The following METTL25 variants were observed in gnomAD, a reference collection of about 807,000 sequenced individuals.
METTL25 encodes the protein probable methyltransferase-like protein 25.
A neutral mutation model predicts 71.6 loss-of-function variants in METTL25; 64 were observed. That is an observed-to-expected ratio of 0.89 (90% CI 0.73 to 1.10). The LOEUF is 1.10. METTL25 is among the 50% of genes least tolerant of loss of function. The pLI is 0.00. For synonymous variants in METTL25, 287 were observed against 250.3 expected, an observed-to-expected ratio of 1.15 and a Z score of -1.38; for missense variants, 807 against 707.0, an observed-to-expected ratio of 1.14 and a Z score of -1.60.
At chr12:82,427,257 C>T (rs576540201) in intron 5 of METTL25, among the ~76,000 whole-genome samples, 74 of 152,076 alleles carry the variant, frequency 4.9e-4, no homozygotes, top group Non-Finnish European at 5.9e-5. Context: ...CTTCTCATTG[C>T]TAATCGTAGA....
chr12:82,369,932 A>G (rs1565800878), intron 1 of METTL25, among the ~76,000 whole-genome samples: 1 of 152,086 alleles, frequency 6.6e-6, no homozygotes, highest in Admixed American at 6.5e-5. Flanking sequence ...TGGTGCGTTT[A>G]CAATCCTTTA....
intron 2 of METTL25, among the ~76,000 whole-genome samples, chr12:82,389,178 T>C (rs1427425201): frequency 6.6e-6 from 1 of 152,116 alleles, no homozygotes; most frequent in Non-Finnish European, 1.5e-5. Context: ...TATAGTACTG[T>C]AGTTCTGCAA....
At chr12:82,399,645 T>TA (rs1886407990) in intron 4 of METTL25, among the ~76,000 whole-genome samples, 1 of 152,126 alleles carries the variant, frequency 6.6e-6, no homozygotes, top group Admixed American at 6.6e-5. Context: ...AGCTAGTAAG[T>TA]AAACTAAGTT....
intron 1 of METTL25, among the ~76,000 whole-genome samples, chr12:82,368,849 A>G (rs1473545457): frequency 1.2e-4 from 18 of 152,222 alleles, no homozygotes; most frequent in Admixed American, 1.2e-3. Flanking sequence ...ATAATAAATG[A>G]TTCAACTTCC....
intron 5 of METTL25, among the ~76,000 whole-genome samples, chr12:82,426,535 TTACACAC>T (rs1401726220): frequency 6.6e-6 from 1 of 152,022 alleles, no homozygotes; most frequent in Non-Finnish European, 1.5e-5. Flanking sequence ...GGGAGCTCTC[TTACACAC>T]AGGTTGAGTA....
At chr12:82,407,161 T>C (rs1463103246) in intron 5 of METTL25, among the ~76,000 whole-genome samples, 1 of 152,186 alleles carries the variant, frequency 6.6e-6, no homozygotes, top group Non-Finnish European at 1.5e-5. Flanking sequence ...CTTTCTTTAG[T>C]ACTTGGTCAT....
chr12:82,383,382 G>A (rs1008717556), intron 1 of METTL25, among the ~76,000 whole-genome samples: 2 of 152,004 alleles, frequency 1.3e-5, no homozygotes, highest in African/African-American at 4.8e-5. Flanking sequence ...ACTGTGGCAT[G>A]CTAATGGAAT....
At chr12:82,424,317 A>G (rs1273302660) in intron 5 of METTL25, among the ~76,000 whole-genome samples, 2 of 151,422 alleles carry the variant, frequency 1.3e-5, no homozygotes. Flanking sequence ...GTTCTCACTC[A>G]TAGGTGGGAA....
chr12:82,417,968 C>T (rs1458880093), intron 5 of METTL25, among the ~76,000 whole-genome samples: 1 of 152,048 alleles, frequency 6.6e-6, no homozygotes, highest in Non-Finnish European at 1.5e-5. Context: ...CCTGTTGGCC[C>T]TTTCAAGAAA....
At chr12:82,454,399 C>T (rs1891344470) in intron 8 of METTL25, among the ~76,000 whole-genome samples, 1 of 151,894 alleles carries the variant, frequency 6.6e-6, no homozygotes, top group Non-Finnish European at 1.5e-5. Context: ...TAAGAGAATG[C>T]CAGTGTTGTT....
At chr12:82,431,519 A>G (rs944834790) in intron 6 of METTL25, among the ~76,000 whole-genome samples, 1 of 151,658 alleles carries the variant, frequency 6.6e-6, no homozygotes, top group African/African-American at 2.4e-5. Context: ...TAGAATTAAT[A>G]AATTTAGAGA....
chr12:82,431,097 AATGCTTTTGTGC>A, intron 6 of METTL25, 110 bp downstream of exon 6: 2 of 568,082 alleles, frequency 3.5e-6, no homozygotes. Context: ...ACATCCCATT[AATGCTTTTGTGC>A]ATTGGAAATT....
chr12:82,467,148 C>A (rs1892286749), intron 9 of METTL25, among the ~76,000 whole-genome samples: 1 of 151,712 alleles, frequency 6.6e-6, no homozygotes, highest in Non-Finnish European at 1.5e-5. Flanking sequence ...AAAATCCATT[C>A]TGCCAGTTCA....
chr12:82,414,719 A>G (rs932579290), intron 5 of METTL25, among the ~76,000 whole-genome samples: 6 of 149,100 alleles, frequency 4.0e-5, no homozygotes, highest in African/African-American at 1.5e-4. Flanking sequence ...TCAAATTAAT[A>G]TAAAACAGGT....
chr12:82,448,126 A>G (rs537498092), intron 8 of METTL25, among the ~76,000 whole-genome samples: 1 of 152,244 alleles, frequency 6.6e-6, no homozygotes, highest in African/African-American at 2.4e-5. Context: ...ATTACTGGCC[A>G]GCAATAGTAC....
At chr12:82,419,783 C>A (rs750943707) in intron 5 of METTL25, among the ~76,000 whole-genome samples, 1 of 151,114 alleles carries the variant, frequency 6.6e-6, no homozygotes, top group South Asian at 2.1e-4. Flanking sequence ...TTGGTGCAGT[C>A]GCTATGGAAA....
At chr12:82,413,297 G>A (rs180984897) in intron 5 of METTL25, among the ~76,000 whole-genome samples, 274 of 152,064 alleles carry the variant, frequency 1.8e-3, no homozygotes, top group African/African-American at 6.0e-3. Flanking sequence ...TGAGATTTAG[G>A]AGACACTCAG....
At chr12:82,367,230 C>T (rs1454924433) in intron 1 of METTL25, among the ~76,000 whole-genome samples, 1 of 151,998 alleles carries the variant, frequency 6.6e-6, no homozygotes, top group East Asian at 1.9e-4. Context: ...TGTGTTTAGC[C>T]AATCATCATA....
chr12:82,412,359 GT>G (rs1345048298), intron 5 of METTL25, among the ~76,000 whole-genome samples: 2 of 152,184 alleles, frequency 1.3e-5, no homozygotes, highest in East Asian at 3.9e-4. Flanking sequence ...TGACTAAGCA[GT>G]GTGATGGTAA....
Sources: allele counts gnomAD v4.1 joint callset (sites outside exome capture counted in the v4.1 genomes callset), GRCh38; gene constraint gnomAD v4.1.1; transcripts MANE v1.5; gene names NCBI Gene and HGNC (gene_info 2026-07-23, HGNC 2026-07-21).